The following ARAP2 variants were observed in gnomAD, a reference collection of about 807,000 sequenced individuals.
ARAP2 encodes the protein ArfGAP with RhoGAP domain, ankyrin repeat and PH domain 2.
A neutral mutation model predicts 194.5 loss-of-function variants in ARAP2; 148 were observed. That is an observed-to-expected ratio of 0.76 (90% CI 0.67 to 0.87). The LOEUF is 0.87. Among genes scored for constraint, ARAP2 ranks in the 40% least tolerant of loss-of-function variants. The pLI is 0.00. For synonymous variants in ARAP2, 695 were observed against 683.5 expected (o/e 1.02, Z -0.26); for missense variants, 2,128 against 1,989.7 (o/e 1.07, Z -1.32).
intron 30 of ARAP2, among the ~76,000 whole-genome samples, 170 bp downstream of exon 30, chr4:36,082,081 G>A (rs1053136929): frequency 6.6e-6 from 1 of 152,066 alleles, no homozygotes; most frequent in Non-Finnish European, 1.5e-5. Flanking sequence ...CTTGAACCCT[G>A]ATACAAATCT....
intron 20 of ARAP2, among the ~76,000 whole-genome samples, chr4:36,132,146 A>G (rs1458114354): frequency 3.3e-5 from 5 of 151,760 alleles, no homozygotes; most frequent in Admixed American, 6.6e-5. Flanking sequence ...ATTTTGTTAC[A>G]TATCAGTGTA....
At chr4:36,058,573 C>G (rs576891424) in intron 1 of ARAP2, among the ~76,000 whole-genome samples, 2 of 152,246 alleles carry the variant, frequency 1.3e-5, no homozygotes, top group East Asian at 3.9e-4. Flanking sequence ...CCAGCAACAG[C>G]CGAGTTTGTT....
chr4:36,218,350 A>C (rs897401894), intron 2 of ARAP2, among the ~76,000 whole-genome samples: 1 of 152,168 alleles, frequency 6.6e-6, no homozygotes, highest in African/African-American at 2.4e-5. Context: ...AGAGGATCAG[A>C]AAAAATAAGT....
At chr4:36,032,182 AG>A (rs1469827335) in intron 5 of ARAP2, among the ~76,000 whole-genome samples, 1 of 152,216 alleles carries the variant, frequency 6.6e-6, no homozygotes, top group African/African-American at 2.4e-5. Context: ...CATCAAGGCT[AG>A]GGGATAGTTA....
chr4:36,041,877 A>G (rs1268877903), intron 5 of ARAP2, among the ~76,000 whole-genome samples: 3 of 152,218 alleles, frequency 2.0e-5, no homozygotes, highest in African/African-American at 7.2e-5. Flanking sequence ...TTGTGGGAAC[A>G]TGGATGAAGT....
chr4:36,190,949 A>G (rs1018346870), intron 7 of ARAP2, among the ~76,000 whole-genome samples: 9 of 152,234 alleles, frequency 5.9e-5, no homozygotes, highest in African/African-American at 1.9e-4. Context: ...GGCCAAAACT[A>G]GACCAATAAG....
In ARAP2 at chr4:36,080,235, G is replaced by A. The variant is rs1729190896; in HGVS notation, c.4589C>T (p.Thr1530Ile). ...DSSRTQTEWMTSIFIAQHEYD... is the reference protein window; with the variant it reads ...DSSRTQTEWMISIFIAQHEYD... ...TCGTACCTGGGCAATAAAGATACTG[G>A]TCATCCACTCCGTCTGAGTTCGTGA... Residue 1530 changes from threonine to isoleucine, a missense_variant, in exon 31 of 33, where the codon ACC (threonine) becomes ATC (isoleucine). Physicochemically the swap from Thr to Ile is moderately conservative, Grantham distance 89. Transcript: ENST00000303965. The A allele has an allele frequency of 5.6e-6, 9 of 1,612,930 alleles. No individual in the cohort carries two copies. The highest frequency in any genetic ancestry group is 7.6e-6 in the Non-Finnish European group (9 of 1,179,346).
At chr4:36,171,964 G>A (rs1220340123) in intron 9 of ARAP2, among the ~76,000 whole-genome samples, 2 of 152,038 alleles carry the variant, frequency 1.3e-5, no homozygotes, top group Non-Finnish European at 2.9e-5. Context: ...TGAAAAATAG[G>A]CATGAGCCAG....
chr4:36,010,652 T>C (rs1714327041), intron 9 of ARAP2, among the ~76,000 whole-genome samples: 1 of 152,154 alleles, frequency 6.6e-6, no homozygotes, highest in Admixed American at 6.6e-5. Flanking sequence ...TAAGTCTTTT[T>C]TCAAACCAAA....
intron 6 of ARAP2, among the ~76,000 whole-genome samples, chr4:36,017,255 A>G (rs912532700): frequency 2.6e-5 from 4 of 151,948 alleles, no homozygotes; most frequent in Admixed American, 6.6e-5. Flanking sequence ...AGATAGACTC[A>G]TTCACTTATG....
chr4:36,147,196 G>C (rs960641322), intron 19 of ARAP2, 100 bp downstream of exon 19: 1 of 1,061,160 alleles, frequency 9.4e-7, no homozygotes, highest in African/African-American at 1.6e-5. Flanking sequence ...ATTTCAACAG[G>C]TTTTAAAATA....
At chr4:36,147,446 C>G in intron 18 of ARAP2, 87 bp from the exon 19 acceptor site, 1 of 1,567,204 alleles carries the variant, frequency 6.4e-7, no homozygotes. Flanking sequence ...ACTGCTTAGT[C>G]ATAAGTTTGG....
chr4:36,087,210 G>A (rs1160223298), intron 28 of ARAP2, among the ~76,000 whole-genome samples: 2 of 152,008 alleles, frequency 1.3e-5, no homozygotes, highest in Non-Finnish European at 2.9e-5. Flanking sequence ...AATATTAATA[G>A]GGACAGATCA....
intron 27 of ARAP2, among the ~76,000 whole-genome samples, chr4:36,106,425 T>C (rs1243096162): frequency 6.6e-6 from 1 of 152,032 alleles, no homozygotes; most frequent in Non-Finnish European, 1.5e-5. Context: ...AAAGTTGTTA[T>C]ACTACTTGCA....
At chr4:36,044,075 C>G (rs1010477269) in intron 5 of ARAP2, among the ~76,000 whole-genome samples, 3 of 152,000 alleles carry the variant, frequency 2.0e-5, no homozygotes, top group African/African-American at 7.2e-5. Flanking sequence ...GAGGAATAAG[C>G]AAATGAACAT....
At chr4:36,169,488 AG>A (rs1384984038) in intron 9 of ARAP2, among the ~76,000 whole-genome samples, 1 of 151,836 alleles carries the variant, frequency 6.6e-6, no homozygotes, top group African/African-American at 2.4e-5. Context: ...AGGGAGTGCT[AG>A]CTGGTTAACA....
Position 36,160,458 on chromosome 4 carries a change from C to T in ARAP2, c.2442+1G>A. On this transcript the variant is annotated splice_donor_variant, in intron 13 of 32. Transcript: ENST00000303965. LOFTEE classifies it high-confidence loss of function. ...GTCTGCTGTTATGTTTAATTGAATA[C>T]CTTATTTAATTCTTCTTTGGTGAGA... is the stretch of plus-strand genomic sequence containing the variant. 6.5e-7 allele frequency: 1 copy of T among 1,541,674 alleles called. No individual in the cohort carries two copies. Among genetic ancestry groups the T allele is most frequent in the Non-Finnish European group, 8.7e-7 (1 of 1,149,248 alleles).
intron 9 of ARAP2, among the ~76,000 whole-genome samples, chr4:36,170,929 A>G (rs1390824903): frequency 1.3e-5 from 2 of 151,976 alleles, no homozygotes; most frequent in African/African-American, 4.8e-5. Context: ...AGAAAAATGC[A>G]GTAGGTGGAA....
intron 27 of ARAP2, among the ~76,000 whole-genome samples, chr4:36,098,694 TG>T (rs2109419201): frequency 6.6e-6 from 1 of 152,184 alleles, no homozygotes; most frequent in South Asian, 2.1e-4. Context: ...ATCACTTGAT[TG>T]ATCTTGAGAG....
Sources: gnomAD v4.1 joint callset for allele counts (sites outside exome capture counted in the v4.1 genomes callset) on GRCh38, gnomAD v4.1.1 for gene constraint, MANE v1.5 for transcripts, NCBI Gene and HGNC (gene_info 2026-07-23, HGNC 2026-07-21) for gene names.